PLAGL1: variants seen among roughly 807,000 people sequenced by gnomAD.
PLAGL1 encodes the protein PLAG1 like zinc finger 1, also known as zinc finger protein PLAGL1.
Under a neutral mutation model 4.6 loss-of-function variants are expected in PLAGL1, and 1 was observed. The ratio of observed to expected loss-of-function variants is 0.22; its 90% CI spans 0.08 to 1.03. PLAGL1 has a LOEUF of 1.03. Among genes scored for constraint, PLAGL1 ranks in the 50% least tolerant of loss-of-function variants. The pLI is 0.58. For synonymous variants in PLAGL1, 240 were observed against 237.8 expected (o/e 1.01, Z -0.08); for missense variants, 464 against 570.4 (o/e 0.81, Z 1.90).
rs749761427 is a variant in PLAGL1, at chr6:143,942,024, G to A, written c.792C>T (p.Thr264=). ...GGGCGGCTTGTTCTGGGGGACTGAG[G>A]GTGAGGCTATGGACCTCAGCTGGCA... ...SSLPAEVHSL[T]LSPPEQAAQP... Residue 264 remains threonine (T), a synonymous_variant, in exon 8 of 8, where the codon ACC becomes ACT. Coordinates refer to ENST00000674357, the MANE Select transcript of PLAGL1 (RefSeq NM_001317162.2). This position sits in a 1 kb window ranked among gnomAD's most constrained non-coding sequence, Gnocchi z 7.6. 2 of 1,599,694 alleles carry A rather than the reference G, an allele frequency of 1.3e-6. No individual in the cohort carries two copies. The highest frequency in any genetic ancestry group is 2.2e-5 in the East Asian group (1 of 44,780).
Position 144,005,046 on chromosome 6 carries a change from A to T in PLAGL1, c.-584+3044T>A, listed in dbSNP as rs981852888. On this transcript the variant is annotated intron_variant, in intron 1 of 7. Coordinates refer to ENST00000674357, the MANE Select transcript of PLAGL1 (RefSeq NM_001317162.2). This position sits in a 1 kb window ranked among gnomAD's most constrained non-coding sequence, Gnocchi z 4.6. ...GTATGTGTATATATTATATATATAC[A>T]CACACCTACATACATTGCCTCAAAA... is the stretch of plus-strand genomic sequence containing the variant. 3.3e-5 allele frequency: 5 copies of T among 151,088 alleles called. No individual in the cohort carries two copies. Among genetic ancestry groups the T allele is most frequent in the Admixed American group, 3.3e-4 (5 of 15,148 alleles). 9.4% of individuals were successfully genotyped at this position (151,088 alleles called of 1,614,324 possible).
chr6:143,955,823 A>G lies in PLAGL1; in HGVS notation c.-325+4646T>C, dbSNP rs1782004619. ...TGCCAGATCTCAGAAGAGAGAACAC[A>G]GGCCTGCACAAGGAGAGAGGGCAGG... On this transcript the variant is annotated intron_variant, in intron 6 of 7. Transcript: ENST00000674357. The surrounding 1 kb of genome is among the most constrained non-coding windows in gnomAD (Gnocchi z 4.9). Among the ~76,000 whole-genome samples, 1 of 152,168 alleles carries G rather than the reference A, an allele frequency of 6.6e-6. No homozygotes were observed. Among genetic ancestry groups the G allele is most frequent in the Non-Finnish European group, 1.5e-5 (1 of 68,032 alleles).
Position 143,942,291 on chromosome 6 carries a change from C to A in PLAGL1, c.525G>T (p.Leu175=), listed in dbSNP as rs752208274. The A allele has an allele frequency of 7.4e-6, 12 of 1,614,064 alleles. No homozygotes were observed. Among genetic ancestry groups the A allele is most frequent in the Non-Finnish European group, 9.3e-6 (11 of 1,179,990 alleles). Residue 175 remains leucine (L), a synonymous_variant, in exon 8 of 8, where the codon CTG becomes CTT. Transcript: ENST00000674357. This position sits in a 1 kb window ranked among gnomAD's most constrained non-coding sequence, Gnocchi z 7.6. ...AGTCCTTGCATCCTGTGTGGACCAC[C>A]AGGTGGCGTCGCACATCCTTCCGGG... ...FYTRKDVRRH[L]VVHTGCKDFL...
chr6:143,974,248 A>G (rs1786000325), intron 2 of PLAGL1, among the ~76,000 whole-genome samples: 1 of 152,204 alleles, frequency 6.6e-6, no homozygotes, highest in South Asian at 2.1e-4. Flanking sequence ...CTGAGTACAC[A>G]TGGGAATCGA....
intron 1 of PLAGL1, among the ~76,000 whole-genome samples, chr6:144,018,335 T>C (rs892348413): frequency 3.3e-5 from 5 of 152,072 alleles, no homozygotes; most frequent in Non-Finnish European, 5.9e-5. Flanking sequence ...GTGAAACTCA[T>C]AGAAGTAGAC....
chr6:143,993,384 T>C (rs1011616294), intron 1 of PLAGL1, among the ~76,000 whole-genome samples: 1 of 146,188 alleles, frequency 6.8e-6, no homozygotes, highest in African/African-American at 2.5e-5. Context: ...GACATGTGTA[T>C]TGGTTATTAT....
In PLAGL1 at chr6:144,003,623, C is replaced by CAAA. The variant is rs371417312; in HGVS notation, c.-584+4464_-584+4466dup. Among the ~76,000 whole-genome samples the CAAA allele has an allele frequency of 5.5e-3, 652 of 118,080 alleles. 7 individuals are homozygous for CAAA. Among genetic ancestry groups the CAAA allele is most frequent in the African/African-American group, 0.018 (528 of 29,942 alleles). The allele number at this position is 118,080 out of a possible 152,430, so 77.5% of individuals were successfully genotyped here. ...TGGGTGATAAAGTGAGACTCCATCT[C>CAAA]AAAAAAAAAAAAAAAAGAGAATAAA... is the stretch of plus-strand genomic sequence containing the variant. On this transcript the variant is annotated intron_variant, in intron 1 of 7. Coordinates refer to ENST00000674357, the MANE Select transcript of PLAGL1 (RefSeq NM_001317162.2).
At chr6:144,037,831 A>G (rs951275509) in intron 1 of PLAGL1, 3 of 152,226 alleles carry the variant, frequency 2.0e-5, no homozygotes, top group Non-Finnish European at 4.4e-5. Context: ...AAATGTACAC[A>G]GTAAGGTTCT....
rs1789005389 is a variant in PLAGL1 at position 143,985,982 on chromosome 6, T to TTATATATATATCAAATTATATATATATA, written c.-583-809_-583-808insTATATATATATAATTTGATATATATATA. 1.8e-5 allele frequency among the ~76,000 whole-genome samples: 2 copies of TTATATATATATCAAATTATATATATATA among 111,576 alleles called. No individual in the cohort carries two copies. The highest frequency in any genetic ancestry group is 3.0e-4 in the South Asian group (1 of 3,334). The allele number at this position is 111,576 out of a possible 152,430, so 73.2% of individuals were successfully genotyped here. A position where few individuals can be genotyped will look rare whatever the true frequency, so the allele number is the denominator to read the frequency against. On this transcript the variant is annotated intron_variant, in intron 1 of 7. Coordinates refer to ENST00000674357, the MANE Select transcript of PLAGL1 (RefSeq NM_001317162.2). The surrounding 1 kb of genome is among the most constrained non-coding windows in gnomAD (Gnocchi z 4.4). ...TATATCAAATTATATATATATAAAATTATATATATATATATATATATATAT... is the reference window on the plus strand; with the variant it reads ...TATATCAAATTATATATATATAAAATTATATATATATCAAATTATATATATATATATATATATATATATATATATATAT...
In PLAGL1 at chr6:143,958,198, T is replaced by C. The variant is rs1402082775; in HGVS notation, c.-325+2271A>G. Among the ~76,000 whole-genome samples the C allele has an allele frequency of 1.3e-5, 2 of 152,210 alleles. No homozygotes were observed. The highest frequency in any genetic ancestry group is 2.9e-5 in the Non-Finnish European group (2 of 68,034). The stretch of plus-strand genomic sequence containing the variant: ...AAAGTGAGGATGTCCCATCTACAGA[T>C]GAATTGCAGAGAGGAAAAAGTTACA... On this transcript the variant is annotated intron_variant, in intron 6 of 7. Transcript: ENST00000674357. This position sits in a 1 kb window ranked among gnomAD's most constrained non-coding sequence, Gnocchi z 5.1.
intron 1 of PLAGL1, among the ~76,000 whole-genome samples, chr6:144,025,467 T>C (rs1282698628): frequency 6.6e-6 from 1 of 152,212 alleles, no homozygotes; most frequent in African/African-American, 2.4e-5. Flanking sequence ...TTGTGACAAA[T>C]GTACCATAGA....
At chr6:144,025,067 C>T (rs1250804855) in intron 1 of PLAGL1, among the ~76,000 whole-genome samples, 2 of 152,090 alleles carry the variant, frequency 1.3e-5, no homozygotes, top group African/African-American at 4.8e-5. Context: ...GTGACTTTGC[C>T]ATGGAGAAAC....
At position 144,019,473 on chromosome 6, in the gene PLAGL1, G is replaced by GA. The variant is rs201213789; in HGVS notation, c.-151+44994dup. Among the ~76,000 whole-genome samples the GA allele has an allele frequency of 1.4e-3, 209 of 149,766 alleles. 1 individual carries two copies. Among genetic ancestry groups the GA allele is most frequent in the African/African-American group, 4.1e-3 (167 of 40,900 alleles). Reference sequence around the variant, plus strand: ...GGTGAGAGAGGGAGACTCTCTTGAGGAAAAAAAAATGCTATAAAGACATTG... The same window carrying GA: ...GGTGAGAGAGGGAGACTCTCTTGAGGAAAAAAAAAATGCTATAAAGACATTG... On this transcript the variant is annotated intron_variant, in intron 1 of 3. Transcript: ENST00000437412.
At position 144,034,360 on chromosome 6, in the gene PLAGL1, C is replaced by A. The variant is rs1394988943; in HGVS notation, c.-151+30108G>T. On this transcript the variant is annotated intron_variant, in intron 1 of 3. Coordinates refer to the PLAGL1 transcript ENST00000437412. The surrounding 1 kb of genome is among the most constrained non-coding windows in gnomAD (Gnocchi z 4.7). The stretch of plus-strand genomic sequence containing the variant: ...GGCTGCTGGGCACACAGCCCCCAGG[C>A]TGACTGGAAGACGGGGCTCACTGCA... 6.6e-6 allele frequency among the ~76,000 whole-genome samples: 1 copy of A among 152,212 alleles called. No individual in the cohort carries two copies. Among genetic ancestry groups the A allele is most frequent in the Admixed American group, 6.5e-5 (1 of 15,284 alleles).
intron 1 of PLAGL1, chr6:144,037,387 G>C (rs1395632328): frequency 6.8e-6 from 1 of 146,766 alleles, no homozygotes; most frequent in Non-Finnish European, 1.5e-5. Flanking sequence ...AGACCAGCCT[G>C]GACAACACGG....
In PLAGL1 at chr6:144,063,635, T is replaced by C. The variant is rs1215255716; in HGVS notation, c.-151+833A>G. ...CACGACCCTTGAATAACTGCCATAG[T>C]TGTCACTTCACTTGGCTTTTTCAAT... is the stretch of plus-strand genomic sequence containing the variant. On this transcript the variant is annotated intron_variant, in intron 1 of 3. Transcript: ENST00000437412. The surrounding 1 kb of genome is among the most constrained non-coding windows in gnomAD (Gnocchi z 5.7). 2.0e-5 allele frequency among the ~76,000 whole-genome samples: 3 copies of C among 152,340 alleles called. No individual in the cohort carries two copies. Among genetic ancestry groups the C allele is most frequent in the South Asian group, 2.1e-4 (1 of 4,830 alleles).
rs1778522171 is a variant in PLAGL1 at position 143,941,309 on chromosome 6, C to T, written c.*115G>A. 1 of 737,656 alleles carries T rather than the reference C, an allele frequency of 1.4e-6. No individual in the cohort carries two copies. Among genetic ancestry groups the T allele is most frequent in the African/African-American group, 1.8e-5 (1 of 56,662 alleles). The allele number at this position is 737,656 out of a possible 1,614,324, so 45.7% of individuals were successfully genotyped here. A position where few individuals can be genotyped will look rare whatever the true frequency, so the allele number is the denominator to read the frequency against. On this transcript the variant is annotated 3_prime_UTR_variant, in exon 8 of 8. Transcript: ENST00000674357. The surrounding 1 kb of genome is among the most constrained non-coding windows in gnomAD (Gnocchi z 6.0). ...TCTTATCATCTCAAGCCAGTCATCA[C>T]TGAATAAGCCATAGTCCCAGTCTCG...
intron 1 of PLAGL1, among the ~76,000 whole-genome samples, chr6:144,062,027 G>A (rs1799449102): frequency 1.3e-5 from 2 of 152,072 alleles, no homozygotes; most frequent in African/African-American, 4.8e-5. Flanking sequence ...GTTAACTTTA[G>A]ACATAGCTGA....
At chr6:143,991,816 T>C (rs1244203922) in intron 1 of PLAGL1, among the ~76,000 whole-genome samples, 3 of 152,246 alleles carry the variant, frequency 2.0e-5, no homozygotes, top group African/African-American at 7.2e-5. Context: ...AAGGGCAGAC[T>C]GTGCCCTGTT....
Sources: allele counts gnomAD v4.1 joint callset (sites outside exome capture counted in the v4.1 genomes callset), GRCh38; gene constraint gnomAD v4.1.1; non-coding constraint Gnocchi (gnomAD v3.1); transcripts MANE v1.5; gene names NCBI Gene and HGNC (gene_info 2026-07-23, HGNC 2026-07-21).